SMARCA5: variants seen among roughly 807,000 people sequenced by gnomAD.
The protein encoded by SMARCA5 is SWI/SNF-related matrix-associated actin-dependent regulator of chromatin subfamily A member 5.
In SMARCA5, 18 loss-of-function variants were observed where a neutral mutation model predicts 140.4. That is an observed-to-expected ratio of 0.13 (90% CI 0.09 to 0.19). SMARCA5 has a LOEUF of 0.19. Among genes scored for constraint, SMARCA5 ranks in the 10% least tolerant of loss-of-function variants. The probability of loss-of-function intolerance (pLI) is 1.00; values close to 1 mark genes in which losing one functional copy is unlikely to be tolerated. For synonymous variants in SMARCA5, 449 were observed against 419.6 expected (o/e 1.07, Z -0.86); for missense variants, 606 against 1,276.8 (o/e 0.47, Z 8.01).
At chr4:143,516,007 TG>T (rs1736822507) in intron 1 of SMARCA5, among the ~76,000 whole-genome samples, 1 of 151,988 alleles carries the variant, frequency 6.6e-6, no homozygotes, top group Non-Finnish European at 1.5e-5. Flanking sequence ...TCTTTTAAAA[TG>T]TCAGTTTCCT....
chr4:143,525,338 A>G, intron 4 of SMARCA5, 113 bp from the exon 5 acceptor site: 1 of 709,646 alleles, frequency 1.4e-6, no homozygotes, highest in Non-Finnish European at 2.5e-6. Flanking sequence ...GTTCCTATTC[A>G]AGAATCCGTT....
At chr4:143,545,036 G>A (rs1484102762) in intron 17 of SMARCA5, among the ~76,000 whole-genome samples, 189 bp downstream of exon 17, 2 of 149,740 alleles carry the variant, frequency 1.3e-5, no homozygotes, top group East Asian at 3.9e-4. Flanking sequence ...TCCGCCTCCC[G>A]GGTTCAAGCA....
chr4:143,530,329 A>T (rs1737160141), intron 8 of SMARCA5, 129 bp from the exon 9 acceptor site: 1 of 545,554 alleles, frequency 1.8e-6, no homozygotes, highest in Non-Finnish European at 3.1e-6. Flanking sequence ...CCAGGATTGG[A>T]CTAAGTGATT....
At chr4:143,539,524 C>G (rs899948967) in intron 13 of SMARCA5, among the ~76,000 whole-genome samples, 1 of 141,246 alleles carries the variant, frequency 7.1e-6, no homozygotes, top group Non-Finnish European at 1.5e-5. Context: ...TAATCTCTGT[C>G]ATTAGTCACT....
At chr4:143,533,394 ACT>A (rs1737238075) in intron 9 of SMARCA5, among the ~76,000 whole-genome samples, 1 of 152,154 alleles carries the variant, frequency 6.6e-6, no homozygotes, top group Admixed American at 6.5e-5. Flanking sequence ...AGAACTGTAC[ACT>A]CATGATTTAT....
At chr4:143,547,356 G>T in intron 20 of SMARCA5, 29 bp from the exon 21 acceptor site, 3 of 1,092,910 alleles carry the variant, frequency 2.7e-6, no homozygotes, top group South Asian at 1.4e-5. Flanking sequence ...AAATATAAAT[G>T]ATTTGTTTAC....
rs914524815 is a variant in SMARCA5, at chr4:143,554,094, T to C, written c.*910T>C. ...TTTGGACTTTTAGGGTAAATGAAAA[T>C]TTTATTGTATTTTAAAGTAGTTTCT... On this transcript the variant is annotated 3_prime_UTR_variant, in exon 24 of 24. Transcript: ENST00000283131. 7.9e-5 allele frequency: 12 copies of C among 151,880 alleles called. No individual in the cohort carries two copies. Among genetic ancestry groups the C allele is most frequent in the Non-Finnish European group, 1.5e-4 (10 of 67,934 alleles). The allele number at this position is 151,880 out of a possible 1,614,324, so 9.4% of individuals were successfully genotyped here.
chr4:143,526,314 C>T lies in SMARCA5; in HGVS notation c.655C>T (p.Leu219Phe). 6.2e-7 allele frequency: 1 copy of T among 1,613,926 alleles called. No homozygotes were observed. Among genetic ancestry groups the T allele is most frequent in the Non-Finnish European group, 8.5e-7 (1 of 1,179,914 alleles). The change falls in exon 6 of 24, where the codon CTT (leucine) becomes TTT (phenylalanine). Residue 219 changes from leucine to phenylalanine, a missense_variant. Leu to Phe is a conservative substitution (Grantham distance 22, BLOSUM62 0). Around this residue, in one of 10 missense-constraint regions of SMARCA5, gnomAD observed 110 missense variants for 287.7 expected, o/e 0.38. Coordinates refer to ENST00000283131, the MANE Select transcript of SMARCA5 (RefSeq NM_003601.4). ...AAAGACTCTTCAAACAATTTCTCTT[C>T]TTGGGTACATGAAACATTATAGAAA... ...LGKTLQTISL[L>F]GYMKHYRNIP...
intron 5 of SMARCA5, 29 bp from the exon 6 acceptor site, chr4:143,526,252 T>C: frequency 6.4e-7 from 1 of 1,572,750 alleles, no homozygotes; most frequent in Non-Finnish European, 8.7e-7. Context: ...CATTTTTCAC[T>C]GCTTCATGGT....
chr4:143,525,255 T>G (rs769279371), intron 4 of SMARCA5, among the ~76,000 whole-genome samples, 196 bp from the exon 5 acceptor site: 21 of 152,182 alleles, frequency 1.4e-4, no homozygotes, highest in Non-Finnish European at 2.6e-4. Flanking sequence ...TTTCCCGCAC[T>G]TGATTATCTT....
intron 1 of SMARCA5, chr4:143,514,398 G>T (rs1736778609): frequency 5.7e-6 from 2 of 348,034 alleles, no homozygotes; most frequent in Non-Finnish European, 1.0e-5. Context: ...TGGCCCGGGG[G>T]ACCCATCGTT....
chr4:143,555,794 T>C lies in SMARCA5; in HGVS notation c.*2610T>C, dbSNP rs1366677000. 6.4e-6 allele frequency: 1 copy of C among 156,630 alleles called. No individual in the cohort carries two copies. The highest frequency in any genetic ancestry group is 6.4e-5 in the Admixed American group (1 of 15,576). 9.7% of individuals were successfully genotyped at this position (156,630 alleles called of 1,614,324 possible). A position where few individuals can be genotyped will look rare whatever the true frequency, so the allele number is the denominator to read the frequency against. ...CTTCCCAAGTAGCTAGGACTACAGATACCACGCCCAGCTAAGTTTTTTTAG... is the reference window on the plus strand; with the variant it reads ...CTTCCCAAGTAGCTAGGACTACAGACACCACGCCCAGCTAAGTTTTTTTAG... On this transcript the variant is annotated 3_prime_UTR_variant, in exon 24 of 24. Coordinates refer to ENST00000283131, the MANE Select transcript of SMARCA5 (RefSeq NM_003601.4).
chr4:143,517,476 C>A (rs200149389), intron 2 of SMARCA5, 47 bp downstream of exon 2: 1 of 1,200,440 alleles, frequency 8.3e-7, no homozygotes, highest in South Asian at 1.4e-5. Context: ...AACTTTTTAT[C>A]AGGTGATTAA....
At chr4:143,552,041 A>G (rs1737649880) in intron 23 of SMARCA5, among the ~76,000 whole-genome samples, 1 of 152,142 alleles carries the variant, frequency 6.6e-6, no homozygotes, top group African/African-American at 2.4e-5. Context: ...TTGCTAATCC[A>G]TGAACATGGA....
intron 9 of SMARCA5, 151 bp downstream of exon 9, chr4:143,530,677 A>G (rs1054440656): frequency 2.6e-5 from 15 of 566,068 alleles, no homozygotes; most frequent in African/African-American, 1.9e-4. Context: ...ACATCTTACA[A>G]TCAGTGTAGG....
chr4:143,530,936 G>C (rs192293793), intron 9 of SMARCA5, among the ~76,000 whole-genome samples: 54 of 152,196 alleles, frequency 3.5e-4, no homozygotes, highest in African/African-American at 1.2e-3. Context: ...CCCATTCAGC[G>C]TCTAGAGTAG....
intron 8 of SMARCA5, among the ~76,000 whole-genome samples, chr4:143,529,014 A>C (rs1399899003): frequency 6.6e-6 from 1 of 152,012 alleles, no homozygotes; most frequent in African/African-American, 2.4e-5. Context: ...GGCTCACTGC[A>C]GCCTCCACCT....
intron 1 of SMARCA5, among the ~76,000 whole-genome samples, chr4:143,516,631 C>T: frequency 6.6e-6 from 1 of 152,044 alleles, no homozygotes; most frequent in East Asian, 1.9e-4. Context: ...AGTACCGTAC[C>T]AGATCTCCTC....
At chr4:143,522,354 T>C (rs1443230258) in intron 3 of SMARCA5, among the ~76,000 whole-genome samples, 1 of 152,186 alleles carries the variant, frequency 6.6e-6, no homozygotes, top group Non-Finnish European at 1.5e-5. Context: ...GATGTTTAAT[T>C]AGTAATAGTA....
Sources: allele counts gnomAD v4.1 joint callset (sites outside exome capture counted in the v4.1 genomes callset), GRCh38; gene constraint gnomAD v4.1.1; regional missense constraint gnomAD v4.1.1; transcripts MANE v1.5; gene names NCBI Gene and HGNC (gene_info 2026-07-23, HGNC 2026-07-21).